CCDC7: variants seen among roughly 807,000 people sequenced by gnomAD.
CCDC7 encodes coiled-coil domain containing 7.
A neutral mutation model predicts 196.9 loss-of-function variants in CCDC7; 183 were observed. That is an observed-to-expected ratio of 0.93 (90% CI 0.82 to 1.05). The LOEUF (loss-of-function observed/expected upper bound fraction) is 1.05, where lower values mean the gene tolerates loss of function less well. Among genes scored for constraint, CCDC7 ranks in the 50% least tolerant of loss-of-function variants. The pLI is 0.00. For synonymous variants in CCDC7, 525 were observed against 484.6 expected, an observed-to-expected ratio of 1.08 and a Z score of -1.10; for missense variants, 1,540 against 1,482.2, an observed-to-expected ratio of 1.04 and a Z score of -0.64.
intron 20 of CCDC7, among the ~76,000 whole-genome samples, chr10:32,650,760 C>T (rs2068609076): frequency 1.3e-5 from 2 of 152,172 alleles, no homozygotes; most frequent in Non-Finnish European, 2.9e-5. Flanking sequence ...CTGCTTGCAA[C>T]TCCCTCCTCC....
intron 11 of CCDC7, among the ~76,000 whole-genome samples, chr10:32,527,397 G>A (rs750258450): frequency 6.7e-6 from 1 of 149,464 alleles, no homozygotes; most frequent in Non-Finnish European, 1.5e-5. Context: ...CCTGATTTTT[G>A]GTTCTTCTGA....
intron 28 of CCDC7, among the ~76,000 whole-genome samples, chr10:32,755,929 A>G (rs2076366829): frequency 6.6e-6 from 1 of 152,246 alleles, no homozygotes; most frequent in Non-Finnish European, 1.5e-5. Context: ...GATGGAGCAG[A>G]AAACCATGGC....
At chr10:32,508,043 AAAAG>A (rs1467973390) in intron 9 of CCDC7, among the ~76,000 whole-genome samples, 3 of 152,216 alleles carry the variant, frequency 2.0e-5, no homozygotes, top group Non-Finnish European at 4.4e-5. Context: ...TTAGTCAAGA[AAAAG>A]AAATTAAAGG....
chr10:32,460,510 C>T (rs1041584565), intron 3 of CCDC7, among the ~76,000 whole-genome samples: 7 of 152,094 alleles, frequency 4.6e-5, no homozygotes, highest in African/African-American at 9.7e-5. Flanking sequence ...AATTGATATA[C>T]GCTAAAGTTT....
Position 32,505,571 on chromosome 10 carries a change from G to A in CCDC7, c.873-12374G>A, listed in dbSNP as rs146914198. The stretch of plus-strand genomic sequence containing the variant: ...ACAGAACAAAAATGGAGTCTCCTAT[G>A]TCTACTTCTTTCTACACAGACACAG... On this transcript the variant is annotated intron_variant, in intron 9 of 41. Coordinates refer to ENST00000639629, the Ensembl canonical transcript of CCDC7. 8.5e-3 allele frequency among the ~76,000 whole-genome samples: 1,299 copies of A among 152,180 alleles called. 28 individuals carry two copies. The highest frequency in any genetic ancestry group is 0.029 in the African/African-American group (1,198 of 41,496).
chr10:32,538,120 A>G (rs2050817415), intron 11 of CCDC7, among the ~76,000 whole-genome samples: 1 of 152,212 alleles, frequency 6.6e-6, no homozygotes, highest in African/African-American at 2.4e-5. Flanking sequence ...CTCCCTATCC[A>G]TGAGCATGGA....
chr10:32,463,196 A>G (rs2036099029), intron 5 of CCDC7, 147 bp downstream of exon 6: 3 of 974,094 alleles, frequency 3.1e-6, no homozygotes, highest in Non-Finnish European at 4.5e-6. Flanking sequence ...TAGACAAGGA[A>G]TAAGTGGATG....
chr10:32,543,814 A>G (rs2051936348), intron 12 of CCDC7, among the ~76,000 whole-genome samples: 1 of 151,984 alleles, frequency 6.6e-6, no homozygotes, highest in African/African-American at 2.4e-5. Flanking sequence ...ATAAAGTGAC[A>G]TTATTAAGTA....
downstream of CCDC7, chr10:32,877,210 A>G (rs1230163179): frequency 6.6e-6 from 1 of 152,110 alleles, no homozygotes; most frequent in Non-Finnish European, 1.5e-5. Context: ...GTAATGAAAA[A>G]TGAACAATTT....
In CCDC7 at chr10:32,693,994, T is replaced by A. The variant is rs549199336; in HGVS notation, c.2345-885T>A. Among the ~76,000 whole-genome samples, 20 of 152,220 alleles carry A rather than the reference T, an allele frequency of 1.3e-4. 1 individual carries two copies. The South Asian group carries it at 4.1e-3, about 32-fold the overall frequency. ...AATACAAGTTATTATAAAATAAAAA[T>A]TCATATACAATAATTATACAAATGC... On this transcript the variant is annotated intron_variant, in intron 23 of 41. Transcript: ENST00000639629.
chr10:32,574,390 A>C (rs759626690), intron 16 of CCDC7: 1 of 1,537,798 alleles, frequency 6.5e-7, no homozygotes, highest in South Asian at 1.3e-5. Flanking sequence ...CACATGGCAC[A>C]ATATTATTCA....
In CCDC7 at chr10:32,638,490, T is replaced by C. The variant is rs543540828; in HGVS notation, c.2014+3332T>C. The stretch of plus-strand genomic sequence containing the variant: ...TCTTCTGCATCTATTGAGATAATCA[T>C]GTGGTTTTTGTCTTTGGTTCTGTTT... On this transcript the variant is annotated intron_variant, in intron 20 of 41. Coordinates refer to ENST00000639629, the Ensembl canonical transcript of CCDC7. Among the ~76,000 whole-genome samples the C allele has an allele frequency of 5.3e-5, 8 of 152,338 alleles. No individual in the cohort carries two copies. In the South Asian group the frequency reaches 1.7e-3, roughly 32 times the overall value.
intron 13 of CCDC7, among the ~76,000 whole-genome samples, chr10:32,554,098 C>T (rs1282182253): frequency 4.6e-5 from 7 of 152,104 alleles, no homozygotes; most frequent in Non-Finnish European, 8.8e-5. Flanking sequence ...CAGAGTTGTC[C>T]GGCCAAGTGG....
At chr10:32,691,738 A>G (rs1591641816) in intron 23 of CCDC7, among the ~76,000 whole-genome samples, 1 of 151,888 alleles carries the variant, frequency 6.6e-6, no homozygotes, top group East Asian at 1.9e-4. Context: ...AGGGAACACA[A>G]CTGTCCTCAC....
intron 32 of CCDC7, among the ~76,000 whole-genome samples, chr10:32,832,506 G>T (rs1593253982): frequency 6.6e-6 from 1 of 151,868 alleles, no homozygotes; most frequent in Non-Finnish European, 1.5e-5. Flanking sequence ...AAATTATGGA[G>T]GCCAGAAGGC....
chr10:32,511,760 TCGA>T, intron 9 of CCDC7: 1 of 1,510,976 alleles, frequency 6.6e-7, no homozygotes, highest in African/African-American at 1.4e-5. Context: ...CTCACGGCCT[TCGA>T]CTCCAGCCTC....
intron 9 of CCDC7, among the ~76,000 whole-genome samples, chr10:32,492,812 T>C (rs2134531822): frequency 6.6e-6 from 1 of 152,238 alleles, no homozygotes; most frequent in Non-Finnish European, 1.5e-5. Context: ...ACACTTAAAA[T>C]GATTAAGATG....
At chr10:32,872,911 G>A (rs907982216) in intron 41 of CCDC7, among the ~76,000 whole-genome samples, 5 of 152,168 alleles carry the variant, frequency 3.3e-5, no homozygotes, top group African/African-American at 9.7e-5. Flanking sequence ...GAGATCGGCT[G>A]TTAGTCTGAT....
chr10:32,705,393 G>C (rs915837475), intron 24 of CCDC7, among the ~76,000 whole-genome samples: 2 of 152,090 alleles, frequency 1.3e-5, no homozygotes. Context: ...ATCGATGCTA[G>C]GAAGAAACTG....
Sources: gnomAD v4.1 joint callset for allele counts (sites outside exome capture counted in the v4.1 genomes callset) on GRCh38, gnomAD v4.1.1 for gene constraint, MANE v1.5 for transcripts, NCBI Gene and HGNC (gene_info 2026-07-23, HGNC 2026-07-21) for gene names.